Variants in NFIX observed in about 807,000 individuals in gnomAD.
The protein encoded by NFIX is nuclear factor 1 X-type.
NFIX carries 2 observed loss-of-function variants against 53.3 expected under a neutral mutation model. The observed-to-expected ratio is 0.04, with a 90% confidence interval of 0.02 to 0.12. The LOEUF (loss-of-function observed/expected upper bound fraction) is 0.12. Ranked by LOEUF, NFIX falls within the 10% of genes least tolerant of loss-of-function variation. The pLI, the probability that NFIX is intolerant of heterozygous loss-of-function variation, is 1.00. For synonymous variants in NFIX, 244 were observed against 289.0 expected (o/e 0.84, Z 1.58); for missense variants, 310 against 674.5 (o/e 0.46, Z 5.99).
At position 13,073,271 on chromosome 19, in the gene NFIX, G is replaced by A; in HGVS notation, c.623-151G>A. The stretch of plus-strand genomic sequence containing the variant: ...TGAGGGGATGGGGGCACACCTAGAG[G>A]ATCCCCCCTGTTCGGTGTAGACCTG... On this transcript the variant is annotated intron_variant, in intron 3 of 10. Transcript: ENST00000592199. This position sits in a 1 kb window ranked among gnomAD's most constrained non-coding sequence, Gnocchi z 4.5. The A allele has an allele frequency of 1.1e-6, 1 of 895,622 alleles. No homozygotes were observed. Among genetic ancestry groups the A allele is most frequent in the Admixed American group, 1.8e-5 (1 of 54,656 alleles). 55.5% of individuals were successfully genotyped at this position (895,622 alleles called of 1,614,324 possible).
chr19:13,038,779 A>G (rs1397554965), intron 2 of NFIX, among the ~76,000 whole-genome samples: 2 of 152,212 alleles, frequency 1.3e-5, no homozygotes, highest in Non-Finnish European at 2.9e-5. Flanking sequence ...GGGCCCACAG[A>G]TGAAGGCCAG....
chr19:13,034,664 G>A (rs140844420), intron 2 of NFIX, among the ~76,000 whole-genome samples: 1 of 152,270 alleles, frequency 6.6e-6, no homozygotes, highest in East Asian at 1.9e-4. Flanking sequence ...AATTAACCAG[G>A]TGATCGCTGG....
chr19:13,054,523 C>T (rs1423982716), intron 2 of NFIX, among the ~76,000 whole-genome samples: 4 of 152,114 alleles, frequency 2.6e-5, no homozygotes, highest in Non-Finnish European at 5.9e-5. Context: ...TTTCCCTGCA[C>T]TCCTGTGGGT....
intron 1 of NFIX, among the ~76,000 whole-genome samples, chr19:13,000,479 C>T (rs1301821669): frequency 6.7e-6 from 1 of 150,116 alleles, no homozygotes; most frequent in Non-Finnish European, 1.5e-5. Flanking sequence ...TGGCCCAGCT[C>T]TTTTACCTTT....
intron 2 of NFIX, among the ~76,000 whole-genome samples, chr19:13,063,135 C>T (rs1378789855): frequency 6.6e-6 from 1 of 152,156 alleles, no homozygotes; most frequent in Non-Finnish European, 1.5e-5. Flanking sequence ...CCCTGCCGAC[C>T]CTCTGTCCTT....
intron 1 of NFIX, chr19:13,024,766 T>TC (rs1158993001): frequency 7.3e-6 from 11 of 1,498,068 alleles, no homozygotes; most frequent in Non-Finnish European, 9.0e-6. Context: ...GTGTAGAGGC[T>TC]CCCGGTGCCT....
chr19:13,059,754 T>C (rs1427188983), intron 2 of NFIX, among the ~76,000 whole-genome samples: 5 of 147,990 alleles, frequency 3.4e-5, no homozygotes, highest in Non-Finnish European at 6.0e-5. Flanking sequence ...TTTTTTTTTT[T>C]CTAATTTGAT....
Position 13,078,803 on chromosome 19 carries a change from A to G in NFIX, c.1078+68A>G. On this transcript the variant is annotated intron_variant, in intron 7 of 10. Coordinates refer to ENST00000592199, the MANE Select transcript of NFIX (RefSeq NM_001365902.3). This position sits in a 1 kb window ranked among gnomAD's most constrained non-coding sequence, Gnocchi z 4.7. Reference sequence around the variant, plus strand: ...GCTGAGTATCTAGGGGCAGCTGGCCAGGTGAAGGGGCCAGAGCTGACCCCG... The same window carrying G: ...GCTGAGTATCTAGGGGCAGCTGGCCGGGTGAAGGGGCCAGAGCTGACCCCG... The G allele has an allele frequency of 6.6e-7, 1 of 1,506,002 alleles. No homozygotes were observed. The highest frequency in any genetic ancestry group is 1.7e-5 in the African/African-American group (1 of 57,434). 93.3% of individuals were successfully genotyped at this position (1,506,002 alleles called of 1,614,324 possible). A position where few individuals can be genotyped will look rare whatever the true frequency, so the allele number is the denominator to read the frequency against.
intron 2 of NFIX, among the ~76,000 whole-genome samples, chr19:13,055,554 G>A (rs777820220): frequency 1.3e-5 from 2 of 152,192 alleles, no homozygotes; most frequent in South Asian, 2.1e-4. Context: ...GTGAGGAGCC[G>A]CCCCTCACGG....
intron 1 of NFIX, among the ~76,000 whole-genome samples, chr19:13,003,193 C>T (rs147617998): frequency 8.1e-4 from 124 of 152,256 alleles, no homozygotes; most frequent in Non-Finnish European, 1.5e-3. Context: ...CACACACTGG[C>T]ATGCTGCACC....
chr19:12,996,207 C>T lies in NFIX; in HGVS notation c.27+343C>T, dbSNP rs1447444892. Among the ~76,000 whole-genome samples the T allele has an allele frequency of 6.6e-6, 1 of 151,652 alleles. No homozygotes were observed. Among genetic ancestry groups the T allele is most frequent in the South Asian group, 2.1e-4 (1 of 4,814 alleles). On this transcript the variant is annotated intron_variant, in intron 1 of 10. Coordinates refer to ENST00000592199, the MANE Select transcript of NFIX (RefSeq NM_001365902.3). This position sits in a 1 kb window ranked among gnomAD's most constrained non-coding sequence, Gnocchi z 5.2. ...TGGGGTGCGATGGGCAGCGGGACTC[C>T]GGCTGACCTGTGGGCTACTGTAGCG...
intron 2 of NFIX, among the ~76,000 whole-genome samples, chr19:13,055,634 G>C (rs376513121): frequency 4.6e-5 from 7 of 152,190 alleles, no homozygotes; most frequent in South Asian, 2.1e-4. Flanking sequence ...CTGGGGGAGG[G>C]GGGGGTCTGC....
rs899168823 is a variant in NFIX at position 13,028,996 on chromosome 19, C to T, written c.559+3444C>T. ...TGAGCGAATGGAACTGTCAGCGTCA[C>T]CCTGTCAGATCCCTCCTGTGCGCCT... is the stretch of plus-strand genomic sequence containing the variant. On this transcript the variant is annotated intron_variant, in intron 2 of 10. Coordinates refer to ENST00000592199, the MANE Select transcript of NFIX (RefSeq NM_001365902.3). This position sits in a 1 kb window ranked among gnomAD's most constrained non-coding sequence, Gnocchi z 4.2. Among the ~76,000 whole-genome samples the T allele has an allele frequency of 6.6e-6, 1 of 152,190 alleles. No individual in the cohort carries two copies. Among genetic ancestry groups the T allele is most frequent in the Non-Finnish European group, 1.5e-5 (1 of 68,024 alleles).
At chr19:13,039,245 CGTGT>C in intron 2 of NFIX, among the ~76,000 whole-genome samples, 1 of 148,578 alleles carries the variant, frequency 6.7e-6, no homozygotes, top group East Asian at 2.0e-4. Context: ...CACACATACA[CGTGT>C]GTGTGTGTGT....
intron 8 of NFIX, among the ~76,000 whole-genome samples, chr19:13,084,122 TC>T (rs923314833): frequency 6.6e-6 from 1 of 152,168 alleles, no homozygotes; most frequent in Non-Finnish European, 1.5e-5. Context: ...AAGTCACAGA[TC>T]AGTTTTGCAG....
chr19:13,033,220 G>A (rs2145227043), intron 2 of NFIX, among the ~76,000 whole-genome samples: 1 of 152,322 alleles, frequency 6.6e-6, no homozygotes, highest in Admixed American at 6.5e-5. Flanking sequence ...TTTAAGGGTT[G>A]TTGGCGTTAG....
chr19:13,087,848 G>A, intron 8 of NFIX, 141 bp from the exon 9 acceptor site: 1 of 706,192 alleles, frequency 1.4e-6, no homozygotes, highest in Non-Finnish European at 2.2e-6. Flanking sequence ...CACCCATCCT[G>A]TGCCCTGGAG....
Position 13,066,360 on chromosome 19 carries a change from G to GC in NFIX, c.560-6682dup, listed in dbSNP as rs2016401335. Among the ~76,000 whole-genome samples, 5 of 128,916 alleles carry GC rather than the reference G, an allele frequency of 3.9e-5. No individual in the cohort carries two copies. The South Asian group carries it at 1.4e-3, about 35-fold the overall frequency. The allele number at this position is 128,916 out of a possible 152,430, so 84.6% of individuals were successfully genotyped here. ...GTTCCTGTGCCTTCCCTACCCCCCC[G>GC]CCCCCAACAATGGCTTTTCTTGAGC... is the stretch of plus-strand genomic sequence containing the variant. On this transcript the variant is annotated intron_variant, in intron 2 of 10. Coordinates refer to ENST00000592199, the MANE Select transcript of NFIX (RefSeq NM_001365902.3). This position sits in a 1 kb window ranked among gnomAD's most constrained non-coding sequence, Gnocchi z 4.2.
chr19:13,039,228 C>CCACACACA (rs1555698306), intron 2 of NFIX, among the ~76,000 whole-genome samples: 2 of 144,586 alleles, frequency 1.4e-5, no homozygotes, highest in African/African-American at 5.7e-5. Flanking sequence ...ACACCCCCCC[C>CCACACACA]CACACACACA....
Sources: gnomAD v4.1 joint callset for allele counts (sites outside exome capture counted in the v4.1 genomes callset) on GRCh38, gnomAD v4.1.1 for gene constraint, Gnocchi (gnomAD v3.1) non-coding constraint, MANE v1.5 for transcripts, NCBI Gene and HGNC (gene_info 2026-07-23, HGNC 2026-07-21) for gene names.